Variants in DNAI1 observed in about 807,000 individuals in gnomAD.
The protein encoded by DNAI1 is dynein, axonemal, intermediate polypeptide 1.
In DNAI1, 67 loss-of-function variants were observed where a neutral mutation model predicts 92.0. The ratio of observed to expected loss-of-function variants is 0.73; its 90% CI spans 0.60 to 0.89. DNAI1 has a LOEUF of 0.89. Ranked by LOEUF, DNAI1 falls within the 40% of genes least tolerant of loss-of-function variation. DNAI1 has a pLI of 0.00. For missense variants in DNAI1, 839 were observed against 866.6 expected, an observed-to-expected ratio of 0.97 and a Z score of 0.40; for synonymous variants, 323 against 319.6, an observed-to-expected ratio of 1.01 and a Z score of -0.11.
chr9:34,482,763 G>A (rs138839298), intron 1 of DNAI1, among the ~76,000 whole-genome samples: 1 of 152,262 alleles, frequency 6.6e-6, no homozygotes, highest in Non-Finnish European at 1.5e-5. Flanking sequence ...CCTTGCGCTC[G>A]CATTCCTCAG....
intron 10 of DNAI1, 39 bp from the exon 11 acceptor site, chr9:34,500,683 C>A: frequency 6.8e-7 from 1 of 1,474,248 alleles, no homozygotes; most frequent in Non-Finnish European, 9.5e-7. Context: ...TGCCATAAAG[C>A]GGCAGTCCCA....
chr9:34,467,752 C>G (rs1588088110), intron 1 of DNAI1, among the ~76,000 whole-genome samples: 1 of 152,336 alleles, frequency 6.6e-6, no homozygotes, highest in Middle Eastern at 3.4e-3. Flanking sequence ...ACACTGTAAA[C>G]AGCAGTAAGC....
chr9:34,490,530 G>C (rs377430984), intron 7 of DNAI1, 42 bp downstream of exon 7: 5 of 1,613,006 alleles, frequency 3.1e-6, no homozygotes, highest in Non-Finnish European at 4.2e-6. Context: ...GCTCTTCACT[G>C]TGCCTGGCAG....
rs4878575 is a variant in DNAI1 at position 34,500,597 on chromosome 9, G to T, written c.902-125G>T. The T allele has an allele frequency of 0.39, 276,053 of 699,190 alleles. 57,273 individuals are homozygous for T. The highest frequency in any genetic ancestry group is 0.6 in the African/African-American group (33,894 of 56,588). The allele number at this position is 699,190 out of a possible 1,614,324, so 43.3% of individuals were successfully genotyped here. On this transcript the variant is annotated intron_variant, in intron 10 of 19. Coordinates refer to ENST00000242317, the MANE Select transcript of DNAI1 (RefSeq NM_012144.4). ...CAACAGAACTCTGAGATAGGTAGTA[G>T]TATTATTCCCACTCTAAAACAGAGG...
At chr9:34,486,262 T>C (rs1265036063) in intron 4 of DNAI1, among the ~76,000 whole-genome samples, 3 of 152,130 alleles carry the variant, frequency 2.0e-5, no homozygotes, top group African/African-American at 7.2e-5. Flanking sequence ...CTATATTAGG[T>C]TTTTTACATA....
At chr9:34,511,788 C>G (rs1825069319) in intron 13 of DNAI1, among the ~76,000 whole-genome samples, 2 of 152,236 alleles carry the variant, frequency 1.3e-5, no homozygotes, top group Admixed American at 6.5e-5. Context: ...CCACTGCCTT[C>G]TCCCCACAGT....
intron 1 of DNAI1, among the ~76,000 whole-genome samples, chr9:34,476,821 G>C (rs1588091562): frequency 6.6e-6 from 1 of 152,202 alleles, no homozygotes; most frequent in Non-Finnish European, 1.5e-5. Context: ...TGTGAGGCTT[G>C]GGGCATATCT....
At position 34,517,373 on chromosome 9, in the gene DNAI1, A is replaced by G. The variant is rs753298537; in HGVS notation, c.1907A>G (p.Gln636Arg). 14 of 1,614,108 alleles carry G rather than the reference A, an allele frequency of 8.7e-6. No homozygotes were observed. The highest frequency in any genetic ancestry group is 1.7e-5 in the Admixed American group (1 of 60,010). ...AAAAAGAACAGGCTCACCCACGTGC[A>G]GTTCAATCTCATCCACCCCATCATC... ...AAKKNRLTHV[Q>R]FNLIHPIIIV... Residue 636 changes from glutamine (Q) to arginine (R), a missense_variant, in exon 19 of 20, where the codon CAG becomes CGG. By Grantham distance (43) the Gln-to-Arg change is conservative. Coordinates refer to ENST00000242317, the MANE Select transcript of DNAI1 (RefSeq NM_012144.4).
In DNAI1 at chr9:34,463,866, C is replaced by G. The variant is rs1327951639; in HGVS notation, c.48+4813C>G. The stretch of plus-strand genomic sequence containing the variant: ...GTTGGGCATAAGGCCAGAAGAGAGT[C>G]TTGGATGATTCAGAGATTTTGAGCC... On this transcript the variant is annotated intron_variant, in intron 1 of 19. Transcript: ENST00000242317. 2.0e-5 allele frequency among the ~76,000 whole-genome samples: 3 copies of G among 152,166 alleles called. No individual in the cohort carries two copies. In the East Asian group the frequency reaches 5.8e-4, roughly 29 times the overall value.
chr9:34,517,871 C>T (rs1454163456), intron 19 of DNAI1, among the ~76,000 whole-genome samples: 2 of 152,146 alleles, frequency 1.3e-5, no homozygotes, highest in African/African-American at 4.8e-5. Flanking sequence ...CCCAGTGGTC[C>T]CTGAGCTGGG....
rs1311568922 is a variant in DNAI1 at position 34,490,630 on chromosome 9, G to T, written c.621+142G>T. ...ATGCTACAGCTTATCTCCCCAAGGA[G>T]AGCTGAGAGCATGTGTTCAGGTCTC... On this transcript the variant is annotated intron_variant, in intron 7 of 19. Transcript: ENST00000242317. The T allele has an allele frequency of 9.6e-6, 12 of 1,243,604 alleles. No individual in the cohort carries two copies. In the African/African-American group the frequency reaches 1.6e-4, roughly 17 times the overall value. The allele number at this position is 1,243,604 out of a possible 1,614,324, so 77.0% of individuals were successfully genotyped here. A position where few individuals can be genotyped will look rare whatever the true frequency, so the allele number is the denominator to read the frequency against.
chr9:34,505,810 C>T (rs1329857715), intron 12 of DNAI1, among the ~76,000 whole-genome samples: 2 of 152,250 alleles, frequency 1.3e-5, no homozygotes, highest in Admixed American at 6.5e-5. Context: ...AGGGGCTGCA[C>T]TAGCCTTCCA....
intron 1 of DNAI1, among the ~76,000 whole-genome samples, chr9:34,476,342 C>A (rs994734932): frequency 6.6e-6 from 1 of 152,228 alleles, no homozygotes; most frequent in African/African-American, 2.4e-5. Flanking sequence ...TTTCCAACCA[C>A]CTCATTCTCT....
At chr9:34,492,284 G>A (rs1053150951) in intron 8 of DNAI1, among the ~76,000 whole-genome samples, 3 of 151,728 alleles carry the variant, frequency 2.0e-5, no homozygotes, top group Admixed American at 2.0e-4. Flanking sequence ...GGGAGCACAC[G>A]GTGTGATGAG....
chr9:34,466,139 A>G (rs1273171915), intron 1 of DNAI1, among the ~76,000 whole-genome samples: 1 of 152,232 alleles, frequency 6.6e-6, no homozygotes, highest in African/African-American at 2.4e-5. Flanking sequence ...TTGATGAGTG[A>G]ATAAATGAGT....
chr9:34,493,142 C>T (rs1824641817), intron 8 of DNAI1, 52 bp from the exon 9 acceptor site: 2 of 1,613,500 alleles, frequency 1.2e-6, no homozygotes, highest in African/African-American at 1.3e-5. Flanking sequence ...AAAGAGCTGT[C>T]TGGGTAAAGA....
chr9:34,504,709 C>G (rs1824891607), intron 12 of DNAI1, among the ~76,000 whole-genome samples: 2 of 152,238 alleles, frequency 1.3e-5, no homozygotes, highest in Admixed American at 6.5e-5. Flanking sequence ...AGCCCAGCTG[C>G]TGGAGAGGCT....
intron 1 of DNAI1, among the ~76,000 whole-genome samples, chr9:34,467,035 T>C (rs1281356467): frequency 6.6e-6 from 1 of 152,206 alleles, no homozygotes; most frequent in Non-Finnish European, 1.5e-5. Context: ...TATGGCTCTT[T>C]AAGCAACCAA....
intron 1 of DNAI1, among the ~76,000 whole-genome samples, chr9:34,462,217 A>T (rs1823964315): frequency 6.6e-6 from 1 of 152,162 alleles, no homozygotes. Flanking sequence ...TCTCTATGAA[A>T]ATTCCACAAT....
Sources: gnomAD v4.1 joint callset for allele counts (sites outside exome capture counted in the v4.1 genomes callset) on GRCh38, gnomAD v4.1.1 for gene constraint, MANE v1.5 for transcripts, NCBI Gene and HGNC (gene_info 2026-07-23, HGNC 2026-07-21) for gene names.